GABRR3: variants seen among roughly 807,000 people sequenced by gnomAD.
GABRR3 encodes gamma-aminobutyric acid type A receptor subunit rho3.
A neutral mutation model predicts 43.2 loss-of-function variants in GABRR3; 29 were observed. That is an observed-to-expected ratio of 0.67 (90% CI 0.50 to 0.92). The LOEUF is 0.92. Among genes scored for constraint, GABRR3 ranks in the 40% least tolerant of loss-of-function variants. The pLI, the probability that GABRR3 is intolerant of heterozygous loss-of-function variation, is 0.00. For missense variants in GABRR3, 576 were observed against 572.3 expected (o/e 1.01, Z -0.07); for synonymous variants, 206 against 195.9 (o/e 1.05, Z -0.43).
At chr3:98,034,511 T>G (rs1319492972) in intron 2 of GABRR3, among the ~76,000 whole-genome samples, 1 of 152,144 alleles carries the variant, frequency 6.6e-6, no homozygotes, top group Non-Finnish European at 1.5e-5. Context: ...TAATTTCTAC[T>G]CAAAATAAAT....
intron 8 of GABRR3, among the ~76,000 whole-genome samples, chr3:97,994,726 T>G (rs1457535821): frequency 6.6e-6 from 1 of 152,230 alleles, no homozygotes; most frequent in Non-Finnish European, 1.5e-5. Context: ...AGGTAAATAA[T>G]TAGCCACACA....
chr3:98,006,576 TGAG>T (rs968140593), intron 7 of GABRR3, among the ~76,000 whole-genome samples: 1 of 152,230 alleles, frequency 6.6e-6, no homozygotes, highest in African/African-American at 2.4e-5. Flanking sequence ...GGAGAATCTT[TGAG>T]GAGAAGAGAC....
chr3:97,985,151 T>C (rs971772411), downstream of GABRR3, among the ~76,000 whole-genome samples: 18 of 152,174 alleles, frequency 1.2e-4, no homozygotes, highest in African/African-American at 4.1e-4. Flanking sequence ...GCAATCAAAA[T>C]AGGTATCGGA....
intron 1 of GABRR3, 54 bp from the exon 2 acceptor site, chr3:98,035,043 T>C: frequency 3.2e-6 from 5 of 1,563,682 alleles, no homozygotes; most frequent in Non-Finnish European, 4.3e-6. Context: ...AATACTGTGA[T>C]CACAGTTTCT....
At chr3:97,987,042 G>A (rs905490578) in intron 9 of GABRR3, 60 bp from the exon 10 acceptor site, 3 of 1,098,936 alleles carry the variant, frequency 2.7e-6, no homozygotes, top group Non-Finnish European at 1.3e-6. Context: ...TAGGAATTAT[G>A]GTAAATAATG....
At position 98,034,841 on chromosome 3, in the gene GABRR3, G is replaced by T. The variant is rs76438318; in HGVS notation, c.125+22C>A. ...AGAGAAACTGGGCAGTAATTCCATG[G>T]ACTGCACTATGAGCATCTTACCAGG... On this transcript the variant is annotated intron_variant, in intron 2 of 9. Transcript: ENST00000621172. The T allele has an allele frequency of 2.7e-3, 4,404 of 1,612,072 alleles. 70 individuals carry two copies. The African/African-American group carries it at 0.041, about 15-fold the overall frequency.
chr3:97,993,837 T>C (rs958604856), intron 8 of GABRR3, among the ~76,000 whole-genome samples: 2 of 152,066 alleles, frequency 1.3e-5, no homozygotes, highest in Non-Finnish European at 2.9e-5. Flanking sequence ...CTCTTCCTTT[T>C]ACTTCTTTGT....
intron 4 of GABRR3, among the ~76,000 whole-genome samples, chr3:98,016,686 C>A (rs2107242440): frequency 6.6e-6 from 1 of 152,138 alleles, no homozygotes; most frequent in Non-Finnish European, 1.5e-5. Context: ...ACTACATTAA[C>A]AAATTAATAG....
chr3:98,035,038 T>C, intron 1 of GABRR3, 49 bp from the exon 2 acceptor site: 1 of 1,574,390 alleles, frequency 6.4e-7, no homozygotes, highest in Non-Finnish European at 8.6e-7. Flanking sequence ...CAACCAATAC[T>C]GTGATCACAG....
downstream of GABRR3, among the ~76,000 whole-genome samples, chr3:97,985,579 G>T (rs1706374043): frequency 6.6e-6 from 1 of 152,178 alleles, no homozygotes; most frequent in African/African-American, 2.4e-5. Context: ...TGCACTTAGA[G>T]AAGGCAGGAA....
chr3:98,013,994 T>A (rs832023), intron 4 of GABRR3, among the ~76,000 whole-genome samples: 117,724 of 152,064 alleles, frequency 0.77, 45,992 homozygotes, highest in East Asian at 0.99. Flanking sequence ...GTGAGACAAA[T>A]CTTAAATAGA....
intron 9 of GABRR3, 49 bp downstream of exon 9, chr3:97,992,803 G>T: frequency 6.6e-7 from 1 of 1,512,282 alleles, no homozygotes. Context: ...GATAAGGGTA[G>T]TCTTTTCCAC....
At chr3:98,024,491 T>C (rs774606937) in intron 3 of GABRR3, among the ~76,000 whole-genome samples, 6 of 152,192 alleles carry the variant, frequency 3.9e-5, no homozygotes, top group Non-Finnish European at 5.9e-5. Flanking sequence ...ACGTTTTTGT[T>C]TTGCCTGTTA....
chr3:98,021,399 T>C, intron 3 of GABRR3, among the ~76,000 whole-genome samples: 1 of 152,186 alleles, frequency 6.6e-6, no homozygotes, highest in African/African-American at 2.4e-5. Flanking sequence ...TTCAAATCCA[T>C]GGAATTTGTA....
At position 98,035,099 on chromosome 3, in the gene GABRR3, C is replaced by T. The variant is rs139704440; in HGVS notation, c.-3+91G>A. On this transcript the variant is annotated intron_variant, in intron 1 of 9. Transcript: ENST00000621172. ...AACAAACAGCATGTCAGGGGAAATG[C>T]ATTAGGGGAAAAAGAAAGACATTGT... 53 of 1,290,378 alleles carry T rather than the reference C, an allele frequency of 4.1e-5. No individual in the cohort carries two copies. The African/African-American group carries it at 7.8e-4, about 19-fold the overall frequency. 79.9% of individuals were successfully genotyped at this position (1,290,378 alleles called of 1,614,324 possible).
chr3:97,995,928 G>A (rs1006665615), intron 8 of GABRR3, among the ~76,000 whole-genome samples: 3 of 152,184 alleles, frequency 2.0e-5, no homozygotes, highest in African/African-American at 7.2e-5. Flanking sequence ...CGCATAGTTA[G>A]GAAAGTGTTA....
At chr3:98,020,779 C>G (rs1706932782) in intron 3 of GABRR3, among the ~76,000 whole-genome samples, 1 of 151,982 alleles carries the variant, frequency 6.6e-6, no homozygotes, top group Non-Finnish European at 1.5e-5. Flanking sequence ...CAGATTTATA[C>G]TGGTTCTGGT....
chr3:98,012,443 A>T, exon 5 of GABRR3: 2 of 1,613,992 alleles, frequency 1.2e-6, no homozygotes, highest in Non-Finnish European at 1.7e-6. Flanking sequence ...GACAAAAAAG[A>T]TATCAGGCAC....
chr3:98,029,846 T>C (rs569720357), intron 2 of GABRR3, among the ~76,000 whole-genome samples: 10 of 152,250 alleles, frequency 6.6e-5, no homozygotes, highest in Admixed American at 5.2e-4. Context: ...CCAGGTGCGA[T>C]GGCTCACACC....
Sources: gnomAD v4.1 joint callset for allele counts (sites outside exome capture counted in the v4.1 genomes callset) on GRCh38, gnomAD v4.1.1 for gene constraint, MANE v1.5 for transcripts, NCBI Gene and HGNC (gene_info 2026-07-23, HGNC 2026-07-21) for gene names.